The following GATB variants were observed in gnomAD, a reference collection of about 807,000 sequenced individuals.
The protein encoded by GATB is glutamyl-tRNA amidotransferase subunit B.
In GATB, 39 loss-of-function variants were observed where a neutral mutation model predicts 62.3. The observed-to-expected ratio is 0.63, with a 90% CI of 0.48 to 0.82. GATB has a LOEUF of 0.82. GATB is among the 40% of genes least tolerant of loss of function. The pLI is 0.00. For missense variants in GATB, 670 were observed against 684.0 expected, an observed-to-expected ratio of 0.98 and a Z score of 0.23; for synonymous variants, 276 against 258.9, an observed-to-expected ratio of 1.07 and a Z score of -0.63.
intron 2 of GATB, among the ~76,000 whole-genome samples, chr4:151,741,894 T>C (rs1290689621): frequency 6.6e-6 from 1 of 152,186 alleles, no homozygotes; most frequent in Non-Finnish European, 1.5e-5. Context: ...TGATCATCTT[T>C]AAAGGCAATA....
chr4:151,694,950 T>A (rs1445393211), intron 9 of GATB, among the ~76,000 whole-genome samples: 1 of 152,218 alleles, frequency 6.6e-6, no homozygotes, highest in South Asian at 2.1e-4. Flanking sequence ...TTCCATGATG[T>A]CAGAAACAAA....
intron 7 of GATB, 57 bp from the exon 8 acceptor site, chr4:151,703,952 A>C: frequency 7.9e-7 from 1 of 1,271,908 alleles, no homozygotes. Context: ...GCCAGCCTAT[A>C]TGTGGGGAAG....
chr4:151,673,541 C>T (rs1437693002), intron 11 of GATB: 1 of 152,248 alleles, frequency 6.6e-6, no homozygotes, highest in Non-Finnish European at 1.5e-5. Context: ...ACAGGGGCCC[C>T]CTGGCCTACC....
intron 2 of GATB, among the ~76,000 whole-genome samples, chr4:151,758,555 T>C (rs1739881933): frequency 6.6e-6 from 1 of 152,236 alleles, no homozygotes; most frequent in Admixed American, 6.5e-5. Context: ...AAAATGTTTG[T>C]GAAGTGATGA....
intron 2 of GATB, among the ~76,000 whole-genome samples, chr4:151,748,601 G>C (rs1315555538): frequency 6.6e-6 from 1 of 152,074 alleles, no homozygotes; most frequent in Non-Finnish European, 1.5e-5. Context: ...CATAGGCATG[G>C]GCAAGGACTT....
At chr4:151,706,491 A>G (rs1738718411) in intron 6 of GATB, among the ~76,000 whole-genome samples, 1 of 152,160 alleles carries the variant, frequency 6.6e-6, no homozygotes, top group South Asian at 2.1e-4. Context: ...TTGGCTTATA[A>G]GGGTTTTCCC....
chr4:151,745,750 A>AG (rs939525490), intron 2 of GATB, among the ~76,000 whole-genome samples: 1 of 152,236 alleles, frequency 6.6e-6, no homozygotes, highest in African/African-American at 2.4e-5. Context: ...AATAAAAGAA[A>AG]GTTTTGTAAA....
intron 9 of GATB, among the ~76,000 whole-genome samples, chr4:151,700,805 G>A (rs578259367): frequency 8.5e-5 from 13 of 152,298 alleles, no homozygotes; most frequent in East Asian, 1.9e-4. Flanking sequence ...TACCGGCCCC[G>A]TCAGACGCAG....
chr4:151,738,301 G>T (rs1335147129), intron 2 of GATB, among the ~76,000 whole-genome samples: 1 of 152,160 alleles, frequency 6.6e-6, no homozygotes, highest in Non-Finnish European at 1.5e-5. Context: ...GATTTGACCT[G>T]GTTGGAGGTA....
chr4:151,670,883 A>G lies in GATB; in HGVS notation c.*291T>C, dbSNP rs1474262250. ...CTCCAACATACATTTTATTTAGTTT[A>G]AAATTCCTTAATACAAGAAGGTGTT... On this transcript the variant is annotated 3_prime_UTR_variant, in exon 13 of 13. Coordinates refer to ENST00000263985, the MANE Select transcript of GATB (RefSeq NM_004564.3). The G allele has an allele frequency of 3.2e-6, 1 of 313,246 alleles. No individual in the cohort carries two copies. The highest frequency in any genetic ancestry group is 2.1e-5 in the African/African-American group (1 of 48,168). 19.4% of individuals were successfully genotyped at this position (313,246 alleles called of 1,614,324 possible). A position where few individuals can be genotyped will look rare whatever the true frequency, so the allele number is the denominator to read the frequency against.
intron 9 of GATB, among the ~76,000 whole-genome samples, chr4:151,690,475 C>T (rs1449901178): frequency 2.0e-5 from 3 of 152,234 alleles, no homozygotes; most frequent in Admixed American, 1.3e-4. Flanking sequence ...TACAATAGTA[C>T]ACAAATCACT....
chr4:151,753,667 T>TA (rs1236579133), intron 2 of GATB, among the ~76,000 whole-genome samples: 1 of 152,066 alleles, frequency 6.6e-6, no homozygotes, highest in Non-Finnish European at 1.5e-5. Flanking sequence ...TCAGCATTTT[T>TA]AAAAAATTTT....
intron 4 of GATB, 101 bp downstream of exon 4, chr4:151,716,775 C>T (rs1405959182): frequency 2.7e-6 from 3 of 1,094,860 alleles, no homozygotes; most frequent in Non-Finnish European, 4.0e-6. Context: ...CCTGTGACTG[C>T]TTTCTCAATT....
At chr4:151,740,894 G>A (rs562519804) in intron 2 of GATB, among the ~76,000 whole-genome samples, 2 of 152,090 alleles carry the variant, frequency 1.3e-5, no homozygotes, top group African/African-American at 4.8e-5. Context: ...GACAAAAATA[G>A]TGTCACAGAA....
At chr4:151,750,864 G>T (rs576068409) in intron 2 of GATB, among the ~76,000 whole-genome samples, 9 of 151,388 alleles carry the variant, frequency 5.9e-5, no homozygotes, top group Admixed American at 2.6e-4. Context: ...CAACTCCTGG[G>T]CTCAAGCCAT....
intron 12 of GATB, among the ~76,000 whole-genome samples, chr4:151,671,702 GA>G (rs1224253702): frequency 3.3e-5 from 5 of 152,150 alleles, no homozygotes; most frequent in African/African-American, 1.2e-4. Flanking sequence ...ATGTTCAGCT[GA>G]AATGTGTGGC....
intron 2 of GATB, among the ~76,000 whole-genome samples, chr4:151,745,445 C>T (rs1204811004): frequency 6.6e-6 from 1 of 152,182 alleles, no homozygotes; most frequent in Admixed American, 6.5e-5. Flanking sequence ...TGTTCAGAGT[C>T]GGAATGCTGC....
intron 2 of GATB, among the ~76,000 whole-genome samples, chr4:151,744,327 C>A (rs982136483): frequency 1.3e-5 from 2 of 152,172 alleles, no homozygotes; most frequent in Non-Finnish European, 2.9e-5. Context: ...ATGCAAGGTA[C>A]TGTCAAGTAG....
rs185023192 is a variant in GATB at position 151,759,904 on chromosome 4, A to G, written c.176+903T>C. On this transcript the variant is annotated intron_variant, in intron 1 of 12. Coordinates refer to ENST00000263985, the MANE Select transcript of GATB (RefSeq NM_004564.3). ...ATAAGTCCTTCTTTTTAAAGTTTGG[A>G]AACACAGCCCATAAGGGAGGGGAAT... Among the ~76,000 whole-genome samples, 7 of 152,300 alleles carry G rather than the reference A, an allele frequency of 4.6e-5. No individual in the cohort carries two copies. In the East Asian group the frequency reaches 1.3e-3, roughly 29 times the overall value.
Sources: gnomAD v4.1 joint callset for allele counts (sites outside exome capture counted in the v4.1 genomes callset) on GRCh38, gnomAD v4.1.1 for gene constraint, MANE v1.5 for transcripts, NCBI Gene and HGNC (gene_info 2026-07-23, HGNC 2026-07-21) for gene names.